EFCAB11: variants seen among roughly 807,000 people sequenced by gnomAD.
EFCAB11 encodes the protein EF-hand calcium binding domain 11, also known as EF-hand calcium-binding domain-containing protein 11.
EFCAB11 carries 14 observed loss-of-function variants against 23.0 expected under a neutral mutation model. The observed-to-expected ratio is 0.61, with a 90% CI of 0.40 to 0.95. EFCAB11 has a LOEUF of 0.95. EFCAB11 is among the 40% of genes least tolerant of loss of function. The pLI is 0.00. For synonymous variants in EFCAB11, 65 were observed against 66.6 expected, an observed-to-expected ratio of 0.98 and a Z score of 0.11; for missense variants, 198 against 195.8, an observed-to-expected ratio of 1.01 and a Z score of -0.07.
intron 5 of EFCAB11, among the ~76,000 whole-genome samples, chr14:89,863,355 C>G (rs1184701568): frequency 2.0e-5 from 3 of 152,206 alleles, no homozygotes; most frequent in African/African-American, 7.2e-5. Flanking sequence ...AATTAAGCAG[C>G]ATACTCCATA....
chr14:89,850,009 C>T (rs1278131462), intron 5 of EFCAB11, among the ~76,000 whole-genome samples: 1 of 152,084 alleles, frequency 6.6e-6, no homozygotes, highest in Admixed American at 6.5e-5. Context: ...AGTACACAAG[C>T]CCCCTAATTA....
chr14:89,914,418 G>T (rs1458473897), intron 5 of EFCAB11, among the ~76,000 whole-genome samples: 3 of 152,166 alleles, frequency 2.0e-5, no homozygotes, highest in Admixed American at 2.0e-4. Context: ...AACTCTGAGG[G>T]GAAGATGTTA....
intron 5 of EFCAB11, among the ~76,000 whole-genome samples, chr14:89,903,023 G>A (rs1359766241): frequency 6.6e-6 from 1 of 152,144 alleles, no homozygotes; most frequent in African/African-American, 2.4e-5. Context: ...CCAGAAAAAG[G>A]AGACACAACA....
chr14:89,819,803 C>A (rs1596381885), intron 5 of EFCAB11, among the ~76,000 whole-genome samples: 2 of 152,120 alleles, frequency 1.3e-5, no homozygotes, highest in Admixed American at 1.3e-4. Flanking sequence ...CATGTGTATA[C>A]ATACCAAAAA....
chr14:89,864,483 G>A (rs1888025547), intron 5 of EFCAB11, among the ~76,000 whole-genome samples: 2 of 151,784 alleles, frequency 1.3e-5, no homozygotes, highest in Admixed American at 6.6e-5. Context: ...GGAGTACAGT[G>A]GTGCAATCAT....
intron 5 of EFCAB11, among the ~76,000 whole-genome samples, chr14:89,806,756 C>T (rs991736360): frequency 9.2e-5 from 14 of 152,122 alleles, no homozygotes; most frequent in African/African-American, 3.4e-4. Flanking sequence ...TTTGAAGCTC[C>T]TCACTTGTCA....
chr14:89,858,410 A>C (rs1303259362), intron 5 of EFCAB11, among the ~76,000 whole-genome samples: 2 of 152,236 alleles, frequency 1.3e-5, no homozygotes, highest in East Asian at 3.8e-4. Context: ...TGTTTTAATC[A>C]GCTGAGTGTC....
At chr14:89,841,061 C>CT (rs1462065325) in intron 5 of EFCAB11, among the ~76,000 whole-genome samples, 2 of 152,148 alleles carry the variant, frequency 1.3e-5, no homozygotes, top group Non-Finnish European at 2.9e-5. Context: ...CTGCCTTGTG[C>CT]TTTTTCTCCT....
chr14:89,954,437 T>C, intron 1 of EFCAB11, 149 bp downstream of exon 1: 1 of 1,537,116 alleles, frequency 6.5e-7, no homozygotes, highest in Non-Finnish European at 8.7e-7. Context: ...GCCCTGCAGC[T>C]CCAGGATCAG....
At chr14:89,870,246 G>C (rs935961835) in intron 5 of EFCAB11, among the ~76,000 whole-genome samples, 1 of 152,078 alleles carries the variant, frequency 6.6e-6, no homozygotes, top group African/African-American at 2.4e-5. Context: ...TCTTAGATTA[G>C]GAAAATACCA....
chr14:89,804,001 C>A (rs1885877444), intron 5 of EFCAB11, among the ~76,000 whole-genome samples: 1 of 152,230 alleles, frequency 6.6e-6, no homozygotes, highest in Non-Finnish European at 1.5e-5. Flanking sequence ...TCCAACATGA[C>A]TTTGGCAGAT....
chr14:89,871,656 T>C lies in EFCAB11; in HGVS notation c.410+59885A>G, dbSNP rs146644908. On this transcript the variant is annotated intron_variant, in intron 5 of 5. Transcript: ENST00000316738. ...TGCCAGTTTTCCCATGTTACTAATG[T>C]ACTGACCTCTCCTTTCTATTACCCA... Among the ~76,000 whole-genome samples, 10 of 152,358 alleles carry C rather than the reference T, an allele frequency of 6.6e-5. No homozygotes were observed. The East Asian group carries it at 1.3e-3, about 21-fold the overall frequency.
At chr14:89,912,796 G>A (rs181662796) in intron 5 of EFCAB11, among the ~76,000 whole-genome samples, 1 of 152,320 alleles carries the variant, frequency 6.6e-6, no homozygotes, top group Non-Finnish European at 1.5e-5. Context: ...GGCATCACCA[G>A]GACTGGAATG....
intron 5 of EFCAB11, among the ~76,000 whole-genome samples, chr14:89,879,808 T>G (rs1888547681): frequency 6.6e-6 from 1 of 152,158 alleles, no homozygotes. Context: ...CTTGACCCAC[T>G]CTGAGTATAA....
At chr14:89,839,922 C>T (rs78050053) in intron 5 of EFCAB11, among the ~76,000 whole-genome samples, 4,422 of 152,272 alleles carry the variant, frequency 0.029, 103 homozygotes, top group South Asian at 0.1. Context: ...ACCATCACCT[C>T]GCACCAGGCC....
chr14:89,836,759 C>A, intron 5 of EFCAB11: 3 of 428,588 alleles, frequency 7.0e-6, no homozygotes, highest in South Asian at 3.4e-5. Flanking sequence ...TGGCTTACAC[C>A]TGTAATCCCA....
intron 5 of EFCAB11, among the ~76,000 whole-genome samples, chr14:89,876,440 G>A (rs1389446527): frequency 6.6e-6 from 1 of 152,098 alleles, no homozygotes; most frequent in Non-Finnish European, 1.5e-5. Flanking sequence ...TAGGACGGGG[G>A]AAATTTCTAT....
intron 5 of EFCAB11, among the ~76,000 whole-genome samples, chr14:89,928,753 T>TATATATTGC: frequency 6.8e-6 from 1 of 147,110 alleles, no homozygotes; most frequent in African/African-American, 2.5e-5. Flanking sequence ...TTATATTAAT[T>TATATATTGC]ATATAATTAT....
chr14:89,879,875 A>T (rs1047595704), intron 5 of EFCAB11, among the ~76,000 whole-genome samples: 1 of 152,174 alleles, frequency 6.6e-6, no homozygotes, highest in South Asian at 2.1e-4. Flanking sequence ...TTCTTCCCCT[A>T]TTACAACACA....
Sources: gnomAD v4.1 joint callset for allele counts (sites outside exome capture counted in the v4.1 genomes callset) on GRCh38, gnomAD v4.1.1 for gene constraint, MANE v1.5 for transcripts, NCBI Gene and HGNC (gene_info 2026-07-23, HGNC 2026-07-21) for gene names.